CCDC146: variants seen among roughly 807,000 people sequenced by gnomAD.
CCDC146 encodes coiled-coil domain-containing protein 146.
CCDC146 carries 92 observed loss-of-function variants against 119.3 expected under a neutral mutation model. The observed-to-expected ratio is 0.77, with a 90% CI of 0.65 to 0.92. The LOEUF is 0.92. Among genes scored for constraint, CCDC146 ranks in the 40% least tolerant of loss-of-function variants. The pLI is 0.00. For synonymous variants in CCDC146, 372 were observed against 371.8 expected (o/e 1.00, Z -0.01); for missense variants, 1,000 against 1,103.0 (o/e 0.91, Z 1.32).
chr7:77,245,047 G>C (rs1792922421), intron 4 of CCDC146, among the ~76,000 whole-genome samples: 1 of 152,130 alleles, frequency 6.6e-6, no homozygotes, highest in African/African-American at 2.4e-5. Flanking sequence ...TCTAGAGAAA[G>C]GATTTTACTG....
In CCDC146 at chr7:77,290,967, T is replaced by G. The variant is rs184561298; in HGVS notation, c.2416-1985T>G. On this transcript the variant is annotated intron_variant, in intron 17 of 18. Transcript: ENST00000285871. ...TTTATCCTGGTCCAAGAACAAAGAA[T>G]GAAACAAACTAAGAGTTCATTCATT... Among the ~76,000 whole-genome samples, 51 of 152,290 alleles carry G rather than the reference T, an allele frequency of 3.3e-4. No homozygotes were observed. In the East Asian group the frequency reaches 5.4e-3, roughly 16 times the overall value.
rs775349342 is a variant in CCDC146, at chr7:77,286,796, A to G, written c.2149-2A>G. Reference sequence around the variant, plus strand: ...TTAAAGTTAATGTTTTTTTCTTAATAGTTTTCACAGTGTACAGACAGAATT... The same window carrying G: ...TTAAAGTTAATGTTTTTTTCTTAATGGTTTTCACAGTGTACAGACAGAATT... On this transcript the variant is annotated splice_acceptor_variant, in intron 15 of 18. Transcript: ENST00000285871. LOFTEE classifies it high-confidence loss of function. The G allele has an allele frequency of 4.2e-5, 67 of 1,611,970 alleles. 1 individual carries two copies. The South Asian group carries it at 6.8e-4, about 16-fold the overall frequency.
intron 8 of CCDC146, among the ~76,000 whole-genome samples, chr7:77,261,635 G>A (rs1000275372): frequency 3.3e-5 from 5 of 151,810 alleles, no homozygotes; most frequent in African/African-American, 1.2e-4. Flanking sequence ...CCGCCACCGC[G>A]CCCGGCTAAT....
intron 2 of CCDC146, among the ~76,000 whole-genome samples, chr7:77,224,947 C>G (rs1792476618): frequency 6.6e-6 from 1 of 152,056 alleles, no homozygotes. Flanking sequence ...AGGGACAGAG[C>G]AGAGACTACT....
intron 1 of CCDC146, among the ~76,000 whole-genome samples, chr7:77,126,415 A>C (rs1214062148): frequency 6.6e-6 from 1 of 152,034 alleles, no homozygotes; most frequent in Non-Finnish European, 1.5e-5. Context: ...TACGCAGACA[A>C]GTGAAGGGTG....
rs767968194 is a variant in CCDC146, at chr7:77,287,440, C to G, written c.2278C>G (p.Leu760Val). 2 of 1,613,528 alleles carry G rather than the reference C, an allele frequency of 1.2e-6. No homozygotes were observed. Among genetic ancestry groups the G allele is most frequent in the Non-Finnish European group, 1.7e-6 (2 of 1,179,832 alleles). Residue 760 changes from leucine to valine, a missense_variant and splice_region_variant, in exon 17 of 19, where the codon CTG becomes GTG. Coordinates refer to ENST00000285871, the MANE Select transcript of CCDC146 (RefSeq NM_020879.3). Reference sequence around the variant, plus strand: ...CTCTTGAACCAATTTTCAAACATAGCTGGAACTACAACTGGCCAAGAAGGA... The same window carrying G: ...CTCTTGAACCAATTTTCAAACATAGGTGGAACTACAACTGGCCAAGAAGGA... ...EKEMIQKLDK[L>V]ELQLAKKEEK...
intron 17 of CCDC146, among the ~76,000 whole-genome samples, chr7:77,292,320 T>TTTTTTA (rs1210752171): frequency 8.9e-6 from 1 of 112,768 alleles, no homozygotes; most frequent in Non-Finnish European, 1.8e-5. Flanking sequence ...TTTTTTTTTT[T>TTTTTTA]AAAGAACATC....
chr7:77,249,748 T>C (rs1446434674), intron 4 of CCDC146, among the ~76,000 whole-genome samples: 1 of 152,262 alleles, frequency 6.6e-6, no homozygotes, highest in African/African-American at 2.4e-5. Flanking sequence ...CTTGTTTTTG[T>C]TTGTTTGTTT....
At chr7:77,160,616 T>A (rs1219190053) in intron 1 of CCDC146, among the ~76,000 whole-genome samples, 3 of 152,218 alleles carry the variant, frequency 2.0e-5, no homozygotes, top group Non-Finnish European at 4.4e-5. Flanking sequence ...TGCACATTGA[T>A]TTTGTATCCT....
chr7:77,134,274 A>G (rs1429908533), intron 1 of CCDC146, among the ~76,000 whole-genome samples: 2 of 152,178 alleles, frequency 1.3e-5, no homozygotes, highest in African/African-American at 4.8e-5. Context: ...CAACACTGCA[A>G]ATTTAGGGCT....
rs746439287 is a variant in CCDC146 at position 77,282,560 on chromosome 7, C to T, written c.1923C>T (p.Gly641=). 2.3e-5 allele frequency: 36 copies of T among 1,598,052 alleles called. No individual in the cohort carries two copies. The East Asian group carries it at 6.3e-4, about 28-fold the overall frequency. The change falls in exon 15 of 19, where the codon GGC becomes GGT. Residue 641 remains glycine, a synonymous_variant. Transcript: ENST00000285871. ...EKAVQHRNES[G]VQLIEREEEI... The stretch of plus-strand genomic sequence containing the variant: ...CTGCCTCTGAATTTGACCATAGTGG[C>T]GTTCAGCTGATAGAGCGGGAAGAAG...
intron 2 of CCDC146, among the ~76,000 whole-genome samples, chr7:77,203,063 G>A (rs1703618870): frequency 7.5e-6 from 1 of 132,516 alleles, no homozygotes; most frequent in Non-Finnish European, 1.6e-5. Context: ...TTTTAGGAAT[G>A]AATCTTCTGC....
intron 2 of CCDC146, among the ~76,000 whole-genome samples, chr7:77,205,593 A>G (rs2150442309): frequency 1.3e-5 from 2 of 152,296 alleles, no homozygotes; most frequent in South Asian, 4.1e-4. Context: ...CCCCATCTCT[A>G]CCAAAAATAC....
chr7:77,275,144 G>A (rs1793609403), intron 11 of CCDC146, among the ~76,000 whole-genome samples: 1 of 151,272 alleles, frequency 6.6e-6, no homozygotes, highest in South Asian at 2.1e-4. Flanking sequence ...TTTATACACA[G>A]ATTTTTTTCA....
intron 10 of CCDC146, among the ~76,000 whole-genome samples, chr7:77,274,175 G>T (rs899232719): frequency 2.0e-5 from 3 of 152,058 alleles, no homozygotes; most frequent in African/African-American, 7.2e-5. Flanking sequence ...TTAACCCATC[G>T]ATTTTCACAT....
chr7:77,204,978 GC>G (rs1792057212), intron 2 of CCDC146, among the ~76,000 whole-genome samples: 1 of 152,174 alleles, frequency 6.6e-6, no homozygotes, highest in African/African-American at 2.4e-5. Flanking sequence ...AATTAGATGG[GC>G]ATGCTGGCAT....
intron 1 of CCDC146, among the ~76,000 whole-genome samples, chr7:77,163,635 A>G (rs192783574): frequency 1.3e-5 from 2 of 152,232 alleles, no homozygotes; most frequent in African/African-American, 4.8e-5. Flanking sequence ...CTATCTCTGT[A>G]TATTCCTATA....
intron 2 of CCDC146, among the ~76,000 whole-genome samples, chr7:77,191,653 A>T (rs1005386256): frequency 6.6e-6 from 1 of 152,118 alleles, no homozygotes; most frequent in Non-Finnish European, 1.5e-5. Flanking sequence ...TCACGCCTGT[A>T]ATCCCAGCAC....
intron 2 of CCDC146, among the ~76,000 whole-genome samples, chr7:77,197,761 C>T (rs1791902917): frequency 6.6e-6 from 1 of 152,128 alleles, no homozygotes; most frequent in African/African-American, 2.4e-5. Context: ...TTCAATGACA[C>T]ACCAATATTC....
Sources: allele counts gnomAD v4.1 joint callset (sites outside exome capture counted in the v4.1 genomes callset), GRCh38; gene constraint gnomAD v4.1.1; transcripts MANE v1.5; gene names NCBI Gene and HGNC (gene_info 2026-07-23, HGNC 2026-07-21).